Variants in ATP2B2 observed in about 807,000 individuals in gnomAD.
ATP2B2 encodes ATPase plasma membrane Ca2+ transporting 2, also known as plasma membrane calcium-transporting ATPase 2.
Under a neutral mutation model 120.0 loss-of-function variants are expected in ATP2B2, and 15 were observed. That is an observed-to-expected ratio of 0.12 (90% CI 0.08 to 0.19). The LOEUF (loss-of-function observed/expected upper bound fraction) is 0.19. Ranked by LOEUF, ATP2B2 falls within the 10% of genes least tolerant of loss-of-function variation. ATP2B2 has a pLI of 1.00. For missense variants in ATP2B2, 1,045 were observed against 1,719.8 expected (o/e 0.61, Z 6.94); for synonymous variants, 694 against 700.3 (o/e 0.99, Z 0.14).
At chr3:10,511,704 G>A (rs2066764667) in intron 3 of ATP2B2, among the ~76,000 whole-genome samples, 1 of 152,144 alleles carries the variant, frequency 6.6e-6, no homozygotes, top group Non-Finnish European at 1.5e-5. Flanking sequence ...GACTCAAGGT[G>A]AGTTGAACAC....
In ATP2B2 at chr3:10,328,544, C is replaced by CCGGAT; in HGVS notation, c.*269_*270insATCCG. On this transcript the variant is annotated 3_prime_UTR_variant, in exon 23 of 23. Transcript: ENST00000360273. ...TGGCTGGTCCATGTCTGGGTGGGAG[C>CCGGAT]CAGGAAGGGCTTGTTTTGGGAAAAC... The CCGGAT allele has an allele frequency of 2.1e-6, 1 of 472,050 alleles. No individual in the cohort carries two copies. Among genetic ancestry groups the CCGGAT allele is most frequent in the Non-Finnish European group, 3.8e-6 (1 of 264,346 alleles). 29.2% of individuals were successfully genotyped at this position (472,050 alleles called of 1,614,324 possible). A position where few individuals can be genotyped will look rare whatever the true frequency, so the allele number is the denominator to read the frequency against.
intron 3 of ATP2B2, among the ~76,000 whole-genome samples, chr3:10,405,725 C>T (rs986111318): frequency 1.3e-5 from 2 of 152,176 alleles, no homozygotes; most frequent in Non-Finnish European, 2.9e-5. Flanking sequence ...ATCCGCTTGG[C>T]CTCTTCGGGC....
intron 22 of ATP2B2, among the ~76,000 whole-genome samples, chr3:10,334,902 C>T (rs1347795004): frequency 4.6e-5 from 7 of 152,116 alleles, no homozygotes; most frequent in African/African-American, 1.7e-4. Context: ...TACTTCTCAT[C>T]AAAGAAGCTG....
chr3:10,451,810 C>G (rs1483981786), intron 1 of ATP2B2, among the ~76,000 whole-genome samples: 1 of 152,142 alleles, frequency 6.6e-6, no homozygotes, highest in Non-Finnish European at 1.5e-5. Context: ...GAGTTTTGAC[C>G]CCAACAATGT....
Position 10,345,518 on chromosome 3 carries a change from T to C in ATP2B2, c.2569A>G (p.Asn857Asp), listed in dbSNP as rs2060405265. 1 of 1,614,206 alleles carries C rather than the reference T, an allele frequency of 6.2e-7. No homozygotes were observed. The highest frequency in any genetic ancestry group is 2.2e-5 in the East Asian group (1 of 44,878). The change falls in exon 18 of 23, where the codon AAT (asparagine) becomes GAT (aspartate). Residue 857 changes from asparagine (N) to aspartate (D), a missense_variant. This residue lies in a region of ATP2B2 where 98 missense variants were observed against 266.7 expected (regional missense o/e 0.37). Coordinates refer to ENST00000360273, the MANE Select transcript of ATP2B2 (RefSeq NM_001001331.4). Reference protein sequence around the residue: ...EASDIILTDDNFSSIVKAVMW... With the variant: ...EASDIILTDDDFSSIVKAVMW... ...ACTGCCTTGACGATGCTGCTGAAAT[T>C]GTCGTCTGTCAGGATGATGTCTGAG...
chr3:10,381,317 C>T (rs1216380240), intron 8 of ATP2B2, among the ~76,000 whole-genome samples: 1 of 152,210 alleles, frequency 6.6e-6, no homozygotes, highest in Non-Finnish European at 1.5e-5. Context: ...TGAATAACAA[C>T]AATTATTTTT....
At chr3:10,376,375 C>T (rs772953371) in intron 10 of ATP2B2, among the ~76,000 whole-genome samples, 72 of 152,194 alleles carry the variant, frequency 4.7e-4, no homozygotes, top group Admixed American at 5.9e-4. Flanking sequence ...TGAGCAGACA[C>T]CAGTCGCATG....
rs76797701 is a variant in ATP2B2 at position 10,411,786 on chromosome 3, G to A, written c.200-971C>T. ...ACCGTGGATGCCTTGCAACGTGCTCGGAGCGTGCCTGGTGGACATGCAGCT... is the reference window on the plus strand; with the variant it reads ...ACCGTGGATGCCTTGCAACGTGCTCAGAGCGTGCCTGGTGGACATGCAGCT... On this transcript the variant is annotated intron_variant, in intron 2 of 22. Transcript: ENST00000360273. 2.7e-3 allele frequency among the ~76,000 whole-genome samples: 408 copies of A among 152,290 alleles called. 1 individual carries two copies. Among genetic ancestry groups the A allele is most frequent in the African/African-American group, 8.4e-3 (350 of 41,544 alleles).
chr3:10,409,170 T>G (rs936484334), intron 3 of ATP2B2, among the ~76,000 whole-genome samples: 2 of 152,262 alleles, frequency 1.3e-5, no homozygotes, highest in Non-Finnish European at 2.9e-5. Flanking sequence ...CAAGTCGTCA[T>G]GTACTACCTT....
At chr3:10,610,228 G>A (rs1239893576) in intron 2 of ATP2B2, among the ~76,000 whole-genome samples, 5 of 151,212 alleles carry the variant, frequency 3.3e-5, no homozygotes, top group Non-Finnish European at 5.9e-5. Context: ...TCCAAGCTCT[G>A]GCACTGGAGG....
At chr3:10,355,869 C>T (rs1328294559) in intron 14 of ATP2B2, among the ~76,000 whole-genome samples, 5 of 37,624 alleles carry the variant, frequency 1.3e-4, no homozygotes, top group African/African-American at 2.3e-4. Context: ...GTCAGGAGAT[C>T]GAGACCATCC....
At chr3:10,404,210 C>G (rs530985592) in intron 3 of ATP2B2, among the ~76,000 whole-genome samples, 1 of 152,240 alleles carries the variant, frequency 6.6e-6, no homozygotes, top group Non-Finnish European at 1.5e-5. Flanking sequence ...AGGTCTTGCA[C>G]TGAACCAGCC....
At chr3:10,666,676 C>T (rs1391545452) in intron 1 of ATP2B2, among the ~76,000 whole-genome samples, 1 of 152,208 alleles carries the variant, frequency 6.6e-6, no homozygotes, top group Non-Finnish European at 1.5e-5. Context: ...GGTGGAAGCC[C>T]AGAGAACAGG....
At chr3:10,455,076 A>G (rs1322626881) in intron 1 of ATP2B2, among the ~76,000 whole-genome samples, 1 of 152,144 alleles carries the variant, frequency 6.6e-6, no homozygotes, top group Non-Finnish European at 1.5e-5. Flanking sequence ...CACTCAATAA[A>G]TATTTGGTGT....
chr3:10,339,432 T>C (rs2060214316), intron 21 of ATP2B2, among the ~76,000 whole-genome samples: 1 of 152,234 alleles, frequency 6.6e-6, no homozygotes, highest in Non-Finnish European at 1.5e-5. Flanking sequence ...TGTGAGCACC[T>C]TGGGAATCAG....
rs550083167 is a variant in ATP2B2 at position 10,599,893 on chromosome 3, C to T, written c.-415+20024G>A. ...GGAACGTAGTACGTGGGGTGGAAGGCGATTACCTGGATTCTGGAGGGCTTC... is the reference window on the plus strand; with the variant it reads ...GGAACGTAGTACGTGGGGTGGAAGGTGATTACCTGGATTCTGGAGGGCTTC... On this transcript the variant is annotated intron_variant, in intron 2 of 21. Transcript: ENST00000646379. Among the ~76,000 whole-genome samples, 5 of 152,222 alleles carry T rather than the reference C, an allele frequency of 3.3e-5. 1 individual carries two copies. The highest frequency in any genetic ancestry group is 7.2e-5 in the African/African-American group (3 of 41,536).
chr3:10,346,077 G>T lies in ATP2B2; in HGVS notation c.2465C>A (p.Thr822Asn). Residue 822 changes from threonine to asparagine, a missense_variant, in exon 17 of 23, where the codon ACC becomes AAC. Thr to Asn is a moderately conservative substitution (Grantham distance 65). This residue lies in a region of ATP2B2 where 98 missense variants were observed against 266.7 expected (regional missense o/e 0.37). Coordinates refer to ENST00000360273, the MANE Select transcript of ATP2B2 (RefSeq NM_001001331.4). The surrounding 1 kb of genome is among the most constrained non-coding windows in gnomAD (Gnocchi z 4.1). Reference sequence around the variant, plus strand: ...CTTCTTGAGTGCAGGCCCGTCGTTGGTCCCGTCCCCCGTCACGGCCACCAC... The same window carrying T: ...CTTCTTGAGTGCAGGCCCGTCGTTGTTCCCGTCCCCCGTCACGGCCACCAC... ...RQVVAVTGDGTNDGPALKKAD... is the reference protein window; with the variant it reads ...RQVVAVTGDGNNDGPALKKAD... The T allele has an allele frequency of 6.2e-7, 1 of 1,612,390 alleles. No individual in the cohort carries two copies.
intron 2 of ATP2B2, among the ~76,000 whole-genome samples, chr3:10,431,522 G>A (rs1217273582): frequency 6.6e-6 from 1 of 152,176 alleles, no homozygotes; most frequent in Non-Finnish European, 1.5e-5. Flanking sequence ...ACTTTATTGT[G>A]ATATTTGCCT....
chr3:10,647,305 G>A (rs1211882690), intron 1 of ATP2B2, among the ~76,000 whole-genome samples: 1 of 152,182 alleles, frequency 6.6e-6, no homozygotes, highest in Non-Finnish European at 1.5e-5. Context: ...TGGTGGATGT[G>A]AGGCAGGGAA....
Sources: gnomAD v4.1 joint callset for allele counts (sites outside exome capture counted in the v4.1 genomes callset) on GRCh38, gnomAD v4.1.1 for gene constraint, gnomAD v4.1.1 regional missense constraint, Gnocchi (gnomAD v3.1) non-coding constraint, MANE v1.5 for transcripts, NCBI Gene and HGNC (gene_info 2026-07-23, HGNC 2026-07-21) for gene names.